AGAP1: variants seen among roughly 807,000 people sequenced by gnomAD.
The protein encoded by AGAP1 is arf-GAP with GTPase, ANK repeat and PH domain-containing protein 1.
Under a neutral mutation model 105.3 loss-of-function variants are expected in AGAP1, and 29 were observed. The observed-to-expected ratio is 0.28, with a 90% CI of 0.21 to 0.38. The LOEUF is 0.38. Among genes scored for constraint, AGAP1 ranks in the 10% least tolerant of loss-of-function variants. The probability of loss-of-function intolerance (pLI) is 1.00; values close to 1 mark genes in which losing one functional copy is unlikely to be tolerated. For synonymous variants in AGAP1, 509 were observed against 485.9 expected (o/e 1.05, Z -0.63); for missense variants, 998 against 1,165.1 (o/e 0.86, Z 2.09).
At position 235,603,995 on chromosome 2, in the gene AGAP1, G is replaced by A. The variant is rs200230164; in HGVS notation, c.164-105184G>A. Among the ~76,000 whole-genome samples, 330 of 152,174 alleles carry A rather than the reference G, an allele frequency of 2.2e-3. 3 individuals carry two copies. Among genetic ancestry groups the A allele is most frequent in the African/African-American group, 7.0e-3 (292 of 41,518 alleles). ...GACTCTGGTTTCTTCCAGCATCCCC[G>A]AGATGAAGATGAAAAACTGTTGCAT... On this transcript the variant is annotated intron_variant, in intron 1 of 17. Transcript: ENST00000304032.
At chr2:235,516,070 G>GCTGCTGCTGCTGCTGCTGCTGCTC (rs1553556312) in intron 1 of AGAP1, among the ~76,000 whole-genome samples, 8 of 141,852 alleles carry the variant, frequency 5.6e-5, no homozygotes, top group Admixed American at 2.1e-4. Context: ...TGCTGCTGCT[G>GCTGCTGCTGCTGCTGCTGCTGCTC]CTGCTGCTGC....
chr2:235,497,032 G>A (rs1941347329), intron 1 of AGAP1, among the ~76,000 whole-genome samples: 1 of 152,168 alleles, frequency 6.6e-6, no homozygotes, highest in Non-Finnish European at 1.5e-5. Flanking sequence ...ATGTTCTTCT[G>A]TTATCAATAA....
chr2:235,835,021 G>A (rs988950049), intron 9 of AGAP1, among the ~76,000 whole-genome samples: 5 of 152,194 alleles, frequency 3.3e-5, no homozygotes, highest in African/African-American at 4.8e-5. Context: ...AGGGAGTCTC[G>A]CTTAAAGTCT....
chr2:236,038,907 T>C lies in AGAP1; in HGVS notation c.1801-1844T>C, dbSNP rs990769062. On this transcript the variant is annotated intron_variant, in intron 14 of 17. Coordinates refer to ENST00000304032, the MANE Select transcript of AGAP1 (RefSeq NM_001037131.3). This position sits in a 1 kb window ranked among gnomAD's most constrained non-coding sequence, Gnocchi z 4.5. ...ACTGTTTAAACATATTTTGAATACT[T>C]GGGTATCTAACCAAAGGGAATTAAA... 2.6e-5 allele frequency among the ~76,000 whole-genome samples: 4 copies of C among 152,104 alleles called. No homozygotes were observed. The highest frequency in any genetic ancestry group is 9.7e-5 in the African/African-American group (4 of 41,430).
intron 10 of AGAP1, among the ~76,000 whole-genome samples, chr2:235,902,420 T>C (rs1197883416): frequency 2.0e-5 from 3 of 152,220 alleles, no homozygotes; most frequent in African/African-American, 7.2e-5. Context: ...GTGTGTTTTA[T>C]CCATGCAGGC....
rs1315003723 is a variant in AGAP1, at chr2:235,901,191, A to G, written c.1156-7547A>G. Among the ~76,000 whole-genome samples, 3 of 152,056 alleles carry G rather than the reference A, an allele frequency of 2.0e-5. No homozygotes were observed. Among genetic ancestry groups the G allele is most frequent in the African/African-American group, 4.8e-5 (2 of 41,378 alleles). On this transcript the variant is annotated intron_variant, in intron 10 of 17. Coordinates refer to ENST00000304032, the MANE Select transcript of AGAP1 (RefSeq NM_001037131.3). This position sits in a 1 kb window ranked among gnomAD's most constrained non-coding sequence, Gnocchi z 4.3. ...TTGATCTTTTTGAATGGGTGGTCCT[A>G]TATATGTCTTTATGATTAGTTTCCT...
At chr2:235,815,969 C>T (rs554208799) in intron 9 of AGAP1, among the ~76,000 whole-genome samples, 19 of 152,158 alleles carry the variant, frequency 1.2e-4, no homozygotes, top group Non-Finnish European at 2.2e-4. Context: ...TCCTCAGGGC[C>T]GCGGGTAAAT....
rs1353402884 is a variant in AGAP1, at chr2:235,744,677, C to T, written c.397-21C>T. 5 of 1,613,882 alleles carry T rather than the reference C, an allele frequency of 3.1e-6. No individual in the cohort carries two copies. Among genetic ancestry groups the T allele is most frequent in the Non-Finnish European group, 4.2e-6 (5 of 1,179,906 alleles). ...GCCTGCTCACTCAGCTCCTGCTCTC[C>T]TCCCCTTCTTCTCTCCCTAGTTTGC... On this transcript the variant is annotated intron_variant, in intron 4 of 17. Transcript: ENST00000304032. The surrounding 1 kb of genome is among the most constrained non-coding windows in gnomAD (Gnocchi z 5.2).
rs201265901 is a variant in AGAP1, at chr2:236,100,039, C to CA, written c.2115-20147dup. Among the ~76,000 whole-genome samples, 907 of 152,130 alleles carry CA rather than the reference C, an allele frequency of 6.0e-3. 6 individuals carry two copies. Among genetic ancestry groups the CA allele is most frequent in the African/African-American group, 0.021 (865 of 41,518 alleles). On this transcript the variant is annotated intron_variant, in intron 16 of 17. Transcript: ENST00000304032. The stretch of plus-strand genomic sequence containing the variant: ...TGAGCAATAGAGCAAGACTCCATCT[C>CA]AAAAAACAATAAAAAAGAATCTCAA...
At chr2:235,542,486 T>A (rs1312059154) in intron 1 of AGAP1, among the ~76,000 whole-genome samples, 2 of 152,318 alleles carry the variant, frequency 1.3e-5, no homozygotes, top group East Asian at 3.9e-4. Flanking sequence ...GAAAGTCTCA[T>A]CTCTGTCTGA....
rs947282946 is a variant in AGAP1, at chr2:235,752,879, C to T, written c.673+2391C>T. On this transcript the variant is annotated intron_variant, in intron 6 of 17. Transcript: ENST00000304032. The surrounding 1 kb of genome is among the most constrained non-coding windows in gnomAD (Gnocchi z 4.3). ...AAGACCCAGTGGCTTATACAACAGA[C>T]TTTTACTTGTCCTACTTACGGAGGA... Among the ~76,000 whole-genome samples the T allele has an allele frequency of 1.6e-4, 25 of 152,194 alleles. No individual in the cohort carries two copies. Among genetic ancestry groups the T allele is most frequent in the African/African-American group, 5.8e-4 (24 of 41,450 alleles).
rs945098293 is a variant in AGAP1, at chr2:235,971,703, A to C, written c.1645+3080A>C. ...AGACTCCGTCTCAAAAAAAAAAAAAATCTGTTCTTGAAACTAAAGCTAGTT... is the reference window on the plus strand; with the variant it reads ...AGACTCCGTCTCAAAAAAAAAAAAACTCTGTTCTTGAAACTAAAGCTAGTT... On this transcript the variant is annotated intron_variant, in intron 13 of 17. Transcript: ENST00000304032. The surrounding 1 kb of genome is among the most constrained non-coding windows in gnomAD (Gnocchi z 4.8). Among the ~76,000 whole-genome samples the C allele has an allele frequency of 6.6e-6, 1 of 151,580 alleles. No homozygotes were observed.
chr2:235,555,193 G>T lies in AGAP1; in HGVS notation c.163+60344G>T, dbSNP rs985502714. On this transcript the variant is annotated intron_variant, in intron 1 of 17. Transcript: ENST00000304032. The surrounding 1 kb of genome is among the most constrained non-coding windows in gnomAD (Gnocchi z 5.1). Reference sequence around the variant, plus strand: ...TGTTTCTAAAGTCTTTCTTAAAGGAGCCAGAGGCTTGCCCGCCCTGCAGTG... The same window carrying T: ...TGTTTCTAAAGTCTTTCTTAAAGGATCCAGAGGCTTGCCCGCCCTGCAGTG... Among the ~76,000 whole-genome samples, 1 of 152,192 alleles carries T rather than the reference G, an allele frequency of 6.6e-6. No individual in the cohort carries two copies. The highest frequency in any genetic ancestry group is 1.5e-5 in the Non-Finnish European group (1 of 68,032).
rs921951998 is a variant in AGAP1 at position 235,611,904 on chromosome 2, C to T, written c.164-97275C>T. On this transcript the variant is annotated intron_variant, in intron 1 of 17. Coordinates refer to ENST00000304032, the MANE Select transcript of AGAP1 (RefSeq NM_001037131.3). This position sits in a 1 kb window ranked among gnomAD's most constrained non-coding sequence, Gnocchi z 5.0. ...CACCGTTCTGTGACTGGGAGCATTGCTGTTTGGCATGCTTGTGGGCACGGT... is the reference window on the plus strand; with the variant it reads ...CACCGTTCTGTGACTGGGAGCATTGTTGTTTGGCATGCTTGTGGGCACGGT... Among the ~76,000 whole-genome samples, 1 of 152,118 alleles carries T rather than the reference C, an allele frequency of 6.6e-6. No homozygotes were observed. The highest frequency in any genetic ancestry group is 1.9e-4 in the East Asian group (1 of 5,186).
At position 235,662,797 on chromosome 2, in the gene AGAP1, C is replaced by T. The variant is rs1948004688; in HGVS notation, c.164-46382C>T. 1.3e-5 allele frequency among the ~76,000 whole-genome samples: 2 copies of T among 152,302 alleles called. No individual in the cohort carries two copies. Among genetic ancestry groups the T allele is most frequent in the African/African-American group, 2.4e-5 (1 of 41,568 alleles). On this transcript the variant is annotated intron_variant, in intron 1 of 17. Transcript: ENST00000304032. The surrounding 1 kb of genome is among the most constrained non-coding windows in gnomAD (Gnocchi z 4.2). ...GCCTGTGTCCCTCATCCCCTTGCTC[C>T]GCTGCAAGAACCCCTCACCCTGCTC...
rs1953020310 is a variant in AGAP1, at chr2:235,747,141, G to T, written c.538+2302G>T. Among the ~76,000 whole-genome samples, 2 of 152,024 alleles carry T rather than the reference G, an allele frequency of 1.3e-5. No homozygotes were observed. Among genetic ancestry groups the T allele is most frequent in the Non-Finnish European group, 2.9e-5 (2 of 67,998 alleles). On this transcript the variant is annotated intron_variant, in intron 5 of 17. Transcript: ENST00000304032. The surrounding 1 kb of genome is among the most constrained non-coding windows in gnomAD (Gnocchi z 5.0). ...TCTGCGACCAGTGTTCCAGGGTCCT[G>T]CCTGGAATCCTGAACCCCACCCCCC...
rs77646494 is a variant in AGAP1, at chr2:235,873,287, A to G, written c.1051-10058A>G. On this transcript the variant is annotated intron_variant, in intron 9 of 17. Transcript: ENST00000304032. ...GAAAGAAAAAGCATGTTTTTAATCC[A>G]CAAAAGCTATTTCCCGAGTCTGCTC... 6.3e-3 allele frequency among the ~76,000 whole-genome samples: 960 copies of G among 152,338 alleles called. 11 individuals are homozygous for G. The highest frequency in any genetic ancestry group is 0.022 in the African/African-American group (908 of 41,586).
chr2:235,748,585 G>A (rs1299409607), intron 5 of AGAP1, among the ~76,000 whole-genome samples: 6 of 152,184 alleles, frequency 3.9e-5, no homozygotes, highest in Admixed American at 3.9e-4. Context: ...ACCCTTAACT[G>A]CAGAGTTCAC....
chr2:235,682,168 T>C (rs1354114354), intron 1 of AGAP1, among the ~76,000 whole-genome samples: 4 of 152,068 alleles, frequency 2.6e-5, no homozygotes, highest in Non-Finnish European at 5.9e-5. Flanking sequence ...GCATATTTTA[T>C]ACTGTGTTAT....
Sources: gnomAD v4.1 joint callset for allele counts (sites outside exome capture counted in the v4.1 genomes callset) on GRCh38, gnomAD v4.1.1 for gene constraint, Gnocchi (gnomAD v3.1) non-coding constraint, MANE v1.5 for transcripts, NCBI Gene and HGNC (gene_info 2026-07-23, HGNC 2026-07-21) for gene names.